AKT3: variants seen among roughly 807,000 people sequenced by gnomAD.
The protein encoded by AKT3 is RAC-gamma serine/threonine-protein kinase.
AKT3 carries 15 observed loss-of-function variants against 65.3 expected under a neutral mutation model. The observed-to-expected ratio is 0.23, with a 90% CI of 0.15 to 0.35. The LOEUF (loss-of-function observed/expected upper bound fraction) is 0.35, where lower values mean the gene tolerates loss of function less well. AKT3 is among the 10% of genes least tolerant of loss of function. The pLI, the probability that AKT3 is intolerant of heterozygous loss-of-function variation, is 1.00. For missense variants in AKT3, 243 were observed against 576.5 expected, an observed-to-expected ratio of 0.42 and a Z score of 5.92; for synonymous variants, 206 against 183.8, an observed-to-expected ratio of 1.12 and a Z score of -0.98.
chr1:243,722,019 G>A (rs1045468885), intron 2 of AKT3, among the ~76,000 whole-genome samples: 1 of 152,202 alleles, frequency 6.6e-6, no homozygotes. Context: ...CTCTAAAGGA[G>A]CCAAGCATAA....
At chr1:243,681,582 A>G (rs930182676) in intron 3 of AKT3, among the ~76,000 whole-genome samples, 4 of 152,096 alleles carry the variant, frequency 2.6e-5, no homozygotes, top group African/African-American at 9.7e-5. Context: ...ATATAATACA[A>G]CTCCTGACAA....
At chr1:243,507,192 C>T (rs138168823) in intron 13 of AKT3, among the ~76,000 whole-genome samples, 70 of 152,314 alleles carry the variant, frequency 4.6e-4, no homozygotes, top group African/African-American at 1.6e-3. Context: ...GGGGCCATGG[C>T]CAGGACTCAT....
At chr1:243,843,033 T>C (rs1053366386) in intron 2 of AKT3, 92 bp downstream of exon 2, 2 of 1,310,016 alleles carry the variant, frequency 1.5e-6, no homozygotes, top group Admixed American at 1.8e-5. Flanking sequence ...TGACACAGTT[T>C]AACAGTATCA....
intron 2 of AKT3, among the ~76,000 whole-genome samples, chr1:243,780,387 ATAT>A (rs1690831333): frequency 6.6e-6 from 1 of 152,004 alleles, no homozygotes; most frequent in East Asian, 1.9e-4. Context: ...CTGCATAACC[ATAT>A]TATATCAATG....
At chr1:243,740,164 G>A (rs1688065948) in intron 2 of AKT3, among the ~76,000 whole-genome samples, 1 of 152,068 alleles carries the variant, frequency 6.6e-6, no homozygotes, top group Non-Finnish European at 1.5e-5. Context: ...GAGAAACTAC[G>A]CCAAAATTAG....
chr1:243,632,682 A>G (rs1215066150), intron 6 of AKT3, among the ~76,000 whole-genome samples: 1 of 152,342 alleles, frequency 6.6e-6, no homozygotes, highest in Non-Finnish European at 1.5e-5. Context: ...GTTCAACTAC[A>G]TGGAAAATCT....
At chr1:243,794,839 C>A (rs1441305474) in intron 2 of AKT3, among the ~76,000 whole-genome samples, 1 of 152,202 alleles carries the variant, frequency 6.6e-6, no homozygotes, top group Admixed American at 6.5e-5. Context: ...TGCACAACTA[C>A]CCACACCATA....
chr1:243,683,799 ATC>A (rs933394200), intron 3 of AKT3, among the ~76,000 whole-genome samples: 16 of 152,170 alleles, frequency 1.1e-4, no homozygotes, highest in Non-Finnish European at 1.9e-4. Context: ...TTTAAAAACA[ATC>A]CCCATTGCAT....
At chr1:243,637,299 G>C (rs1337652007) in intron 6 of AKT3, among the ~76,000 whole-genome samples, 1 of 152,026 alleles carries the variant, frequency 6.6e-6, no homozygotes, top group African/African-American at 2.4e-5. Context: ...CAGAACGATA[G>C]GAGAAATTAT....
chr1:243,558,438 G>GA (rs1317207175), intron 10 of AKT3, among the ~76,000 whole-genome samples: 1 of 151,864 alleles, frequency 6.6e-6, no homozygotes, highest in Admixed American at 6.6e-5. Flanking sequence ...AGGTTTCAAA[G>GA]AAAAAATCAG....
intron 5 of AKT3, 83 bp from the exon 6 acceptor site, chr1:243,637,825 C>G (rs916544698): frequency 1.1e-6 from 1 of 907,288 alleles, no homozygotes; most frequent in Non-Finnish European, 1.5e-6. Flanking sequence ...TTTGCAATAT[C>G]CACTCAAAAC....
intron 2 of AKT3, among the ~76,000 whole-genome samples, chr1:243,805,106 G>A (rs1692643241): frequency 6.6e-6 from 1 of 152,012 alleles, no homozygotes; most frequent in Non-Finnish European, 1.5e-5. Flanking sequence ...ATAAATAGAA[G>A]AGGAAGTTCT....
chr1:243,600,535 G>A (rs562505283), intron 8 of AKT3, among the ~76,000 whole-genome samples: 5 of 152,004 alleles, frequency 3.3e-5, no homozygotes, highest in Non-Finnish European at 5.9e-5. Flanking sequence ...TTTGACAAGG[G>A]TACCAAATCA....
chr1:243,832,098 T>A (rs1346932585), intron 2 of AKT3, among the ~76,000 whole-genome samples: 2 of 66,432 alleles, frequency 3.0e-5, no homozygotes, highest in African/African-American at 6.6e-5. Context: ...CTGAGCAACA[T>A]AAAAAGACTC....
intron 12 of AKT3, among the ~76,000 whole-genome samples, chr1:243,518,015 T>A (rs536458749): frequency 2.0e-5 from 3 of 152,206 alleles, no homozygotes; most frequent in Non-Finnish European, 4.4e-5. Context: ...TTTTTAGAGA[T>A]CAGGAAATTA....
intron 4 of AKT3, among the ~76,000 whole-genome samples, chr1:243,648,704 T>C (rs1681037598): frequency 6.6e-6 from 1 of 152,208 alleles, no homozygotes; most frequent in Admixed American, 6.5e-5. Flanking sequence ...TGTCTGGGCT[T>C]GGAACCTTTG....
chr1:243,849,386 A>ACCCCCCCCCCCCCCCCCCCCCCCCCCC (rs57424400), intron 1 of AKT3, among the ~76,000 whole-genome samples: 3 of 107,020 alleles, frequency 2.8e-5, no homozygotes, highest in East Asian at 2.9e-4. Flanking sequence ...CCACACACAC[A>ACCCCCCCCCCCCCCCCCCCCCCCCCCC]CCCCCCCCCC....
chr1:243,529,205 C>A (rs1558591488), intron 12 of AKT3, among the ~76,000 whole-genome samples: 1 of 145,576 alleles, frequency 6.9e-6, no homozygotes, highest in Non-Finnish European at 1.5e-5. Flanking sequence ...GAATATTAGA[C>A]CTTTGTCAGA....
At chr1:243,632,250 C>T (rs1679660752) in intron 6 of AKT3, among the ~76,000 whole-genome samples, 1 of 152,164 alleles carries the variant, frequency 6.6e-6, no homozygotes, top group Non-Finnish European at 1.5e-5. Context: ...AAATAATGGG[C>T]TGCAGAATGG....
Sources: allele counts gnomAD v4.1 joint callset (sites outside exome capture counted in the v4.1 genomes callset), GRCh38; gene constraint gnomAD v4.1.1; transcripts MANE v1.5; gene names NCBI Gene and HGNC (gene_info 2026-07-23, HGNC 2026-07-21).